The following ADARB2 variants were observed in gnomAD, a reference collection of about 807,000 sequenced individuals.
ADARB2 encodes the protein inactive double-stranded RNA-specific editase B2.
ADARB2 carries 25 observed loss-of-function variants against 62.2 expected under a neutral mutation model. The ratio of observed to expected loss-of-function variants is 0.40; its 90% CI spans 0.29 to 0.56. The LOEUF (loss-of-function observed/expected upper bound fraction) is 0.56. Ranked by LOEUF, ADARB2 falls within the 20% of genes least tolerant of loss-of-function variation. ADARB2 has a pLI of 0.43. For synonymous variants in ADARB2, 572 were observed against 500.8 expected (o/e 1.14, Z -1.90); for missense variants, 1,071 against 1,077.4 (o/e 0.99, Z 0.08).
chr10:1,551,997 C>T (rs1588299214), intron 1 of ADARB2, among the ~76,000 whole-genome samples: 1 of 152,094 alleles, frequency 6.6e-6, no homozygotes, highest in Admixed American at 6.5e-5. Context: ...TGAGGCTGAG[C>T]GGCTCCAGGT....
At chr10:1,199,517 C>CCGG (rs1836955669) in intron 8 of ADARB2, 3 of 158,140 alleles carry the variant, frequency 1.9e-5, no homozygotes, top group Non-Finnish European at 4.1e-5. Flanking sequence ...TGTGGAGGGC[C>CCGG]CGGGGCCCTG....
chr10:1,609,506 A>G lies in ADARB2; in HGVS notation c.100+127545T>C, dbSNP rs370291599. On this transcript the variant is annotated intron_variant, in intron 1 of 9. Transcript: ENST00000381312. ...AGGACCCACAAATCTGCTCTCCTGCATGCATCCAACAGCTGCCATCTCTTC... is the reference window on the plus strand; with the variant it reads ...AGGACCCACAAATCTGCTCTCCTGCGTGCATCCAACAGCTGCCATCTCTTC... 2.0e-5 allele frequency among the ~76,000 whole-genome samples: 3 copies of G among 152,232 alleles called. No homozygotes were observed. In the East Asian group the frequency reaches 5.8e-4, roughly 29 times the overall value.
At chr10:1,375,837 A>C (rs1282795964) in intron 2 of ADARB2, among the ~76,000 whole-genome samples, 1 of 132,966 alleles carries the variant, frequency 7.5e-6, no homozygotes, top group Non-Finnish European at 1.6e-5. Flanking sequence ...ACGTGCACAC[A>C]CCGCACACAT....
intron 1 of ADARB2, among the ~76,000 whole-genome samples, chr10:1,513,696 T>C (rs554063204): frequency 2.0e-5 from 3 of 152,284 alleles, no homozygotes; most frequent in African/African-American, 7.2e-5. Flanking sequence ...AGCGCCTGTG[T>C]GGAGGGACTC....
intron 1 of ADARB2, among the ~76,000 whole-genome samples, chr10:1,652,955 T>G (rs1834129375): frequency 6.6e-6 from 1 of 152,158 alleles, no homozygotes; most frequent in African/African-American, 2.4e-5. Flanking sequence ...CCAAGGCCAG[T>G]GTCCTCCCTG....
rs957478309 is a variant in ADARB2, at chr10:1,233,574, A to G, written c.1513+120T>C. The G allele has an allele frequency of 7.4e-6, 8 of 1,082,510 alleles. No homozygotes were observed. The African/African-American group carries it at 1.3e-4, about 17-fold the overall frequency. 67.1% of individuals were successfully genotyped at this position (1,082,510 alleles called of 1,614,324 possible). ...CTAATTGTAGACTCAATCCCCTTCC[A>G]GTACCCAAGGGCCCCACACACCGCG... On this transcript the variant is annotated intron_variant, in intron 6 of 9. Coordinates refer to ENST00000381312, the MANE Select transcript of ADARB2 (RefSeq NM_018702.4).
intron 1 of ADARB2, among the ~76,000 whole-genome samples, chr10:1,412,120 A>G (rs1274722077): frequency 2.0e-5 from 3 of 152,068 alleles, no homozygotes; most frequent in African/African-American, 7.2e-5. Flanking sequence ...TGTGGTCAAG[A>G]TGTCTGTGCC....
intron 3 of ADARB2, among the ~76,000 whole-genome samples, chr10:1,362,494 G>C (rs1027842291): frequency 6.6e-6 from 1 of 152,208 alleles, no homozygotes; most frequent in African/African-American, 2.4e-5. Context: ...CCACAGCTGC[G>C]CAGGAAGGAA....
At chr10:1,294,738 C>T (rs1394161464) in intron 3 of ADARB2, among the ~76,000 whole-genome samples, 2 of 152,154 alleles carry the variant, frequency 1.3e-5, no homozygotes, top group African/African-American at 4.8e-5. Flanking sequence ...AAGCCATCTC[C>T]TTCCCTGAGT....
intron 1 of ADARB2, among the ~76,000 whole-genome samples, chr10:1,428,358 C>T (rs961870423): frequency 6.6e-6 from 1 of 151,230 alleles, no homozygotes; most frequent in African/African-American, 2.4e-5. Context: ...GCTATCTCGG[C>T]TCACTGCAAG....
intron 1 of ADARB2, among the ~76,000 whole-genome samples, chr10:1,678,958 C>T (rs553801330): frequency 6.2e-4 from 94 of 152,334 alleles, no homozygotes; most frequent in Non-Finnish European, 1.2e-3. Context: ...GGCTCCCTCA[C>T]GGGCATTCAG....
chr10:1,495,813 C>G (rs1432352500), intron 1 of ADARB2, among the ~76,000 whole-genome samples: 1 of 147,698 alleles, frequency 6.8e-6, no homozygotes, highest in Non-Finnish European at 1.5e-5. Flanking sequence ...ATCATCATCA[C>G]TGTCATCATC....
At chr10:1,736,296 G>A (rs1835299487) in intron 1 of ADARB2, among the ~76,000 whole-genome samples, 1 of 152,170 alleles carries the variant, frequency 6.6e-6, no homozygotes, top group Non-Finnish European at 1.5e-5. Flanking sequence ...AATCCCCAGT[G>A]TGAAAGCCCT....
intron 3 of ADARB2, among the ~76,000 whole-genome samples, chr10:1,317,902 CT>C (rs1831755423): frequency 2.0e-5 from 3 of 152,206 alleles, no homozygotes; most frequent in Non-Finnish European, 4.4e-5. Context: ...CATCCCGTCA[CT>C]TCCCTAAAGC....
intron 3 of ADARB2, among the ~76,000 whole-genome samples, chr10:1,274,992 C>A (rs2131801326): frequency 6.6e-6 from 1 of 152,318 alleles, no homozygotes; most frequent in South Asian, 2.1e-4. Context: ...GGAGGGGGGC[C>A]CGTGGTGGAG....
chr10:1,414,176 G>A (rs55924952), intron 1 of ADARB2, among the ~76,000 whole-genome samples: 10,119 of 152,294 alleles, frequency 0.066, 358 homozygotes, highest in East Asian at 0.12. Flanking sequence ...CCCAGGCTTC[G>A]TTTCCTTGAT....
At chr10:1,549,162 G>T (rs959595682) in intron 1 of ADARB2, among the ~76,000 whole-genome samples, 1 of 143,220 alleles carries the variant, frequency 7.0e-6, no homozygotes, top group African/African-American at 2.6e-5. Context: ...TTAGCTGGGG[G>T]GTCCCCTCCT....
intron 1 of ADARB2, among the ~76,000 whole-genome samples, chr10:1,492,827 T>C (rs1269840455): frequency 6.6e-6 from 1 of 151,840 alleles, no homozygotes; most frequent in Non-Finnish European, 1.5e-5. Flanking sequence ...AGAGCAGGGC[T>C]TTGTAGGGGG....
intron 3 of ADARB2, among the ~76,000 whole-genome samples, chr10:1,285,806 T>A (rs1831407669): frequency 6.6e-6 from 1 of 152,168 alleles, no homozygotes; most frequent in Non-Finnish European, 1.5e-5. Context: ...ATGGCATGAA[T>A]AAATAAAATG....
Sources: gnomAD v4.1 joint callset for allele counts (sites outside exome capture counted in the v4.1 genomes callset) on GRCh38, gnomAD v4.1.1 for gene constraint, MANE v1.5 for transcripts, NCBI Gene and HGNC (gene_info 2026-07-23, HGNC 2026-07-21) for gene names.